MAP7D3: variants seen among roughly 807,000 people sequenced by gnomAD.
MAP7D3 encodes the protein MAP7 domain-containing protein 3.
In MAP7D3, 45 loss-of-function variants were observed where a neutral mutation model predicts 62.2. The observed-to-expected ratio is 0.72, with a 90% CI of 0.57 to 0.93. The LOEUF (loss-of-function observed/expected upper bound fraction) is 0.93. Ranked by LOEUF, MAP7D3 falls within the 40% of genes least tolerant of loss-of-function variation. The pLI is 0.00. For synonymous variants in MAP7D3, 288 were observed against 248.8 expected, an observed-to-expected ratio of 1.16 and a Z score of -1.48; for missense variants, 711 against 683.1, an observed-to-expected ratio of 1.04 and a Z score of -0.45.
chrX:136,229,096 C>CG (rs1326954031), intron 10 of MAP7D3: 2 of 121,429 alleles, frequency 1.6e-5, no homozygotes, highest in African/African-American at 6.4e-5. Flanking sequence ...AGCTTATGCT[C>CG]GGTCCAAACA....
In MAP7D3 at chrX:136,251,269, G is replaced by A. The variant is rs1345767404; in HGVS notation, c.70+20C>T. On this transcript the variant is annotated intron_variant, in intron 1 of 18. Coordinates refer to ENST00000316077, the MANE Select transcript of MAP7D3 (RefSeq NM_024597.4). ...CCCACGCGGGCCCGAACCACCCCCG[G>A]GAGCCACCCGCCCGCTCACCCATCC... 1.8e-6 allele frequency: 2 copies of A among 1,125,361 alleles called. No individual in the cohort carries two copies. Among genetic ancestry groups the A allele is most frequent in the South Asian group, 2.0e-5 (1 of 50,739 alleles). 92.7% of individuals were successfully genotyped at this position (1,125,361 alleles called of 1,213,427 possible). A position where few individuals can be genotyped will look rare whatever the true frequency, so the allele number is the denominator to read the frequency against.
At chrX:136,246,420 T>C (rs1163283407) in intron 1 of MAP7D3, 79 bp from the exon 2 acceptor site, 1 of 592,968 alleles carries the variant, frequency 1.7e-6, no homozygotes, top group Admixed American at 2.9e-5. Context: ...CACGGCCAAT[T>C]GTATTTGATG....
At chrX:136,238,056 C>T (rs2074350026) in intron 6 of MAP7D3, among the ~76,000 whole-genome samples, 1 of 111,615 alleles carries the variant, frequency 9.0e-6, no homozygotes, top group Non-Finnish European at 1.9e-5. Context: ...GACATGAACT[C>T]ATCATTTTTT....
intron 12 of MAP7D3, among the ~76,000 whole-genome samples, chrX:136,226,402 T>C (rs1209356031): frequency 9.0e-6 from 1 of 111,728 alleles, no homozygotes; most frequent in Non-Finnish European, 1.9e-5. Context: ...CAATCATATA[T>C]AAAACATATG....
Position 136,230,856 on chromosome X carries a change from C to T in MAP7D3, c.1524G>A (p.Pro508=), listed in dbSNP as rs372293652. 7.6e-5 allele frequency: 92 copies of T among 1,206,026 alleles called. No homozygotes were observed. The East Asian group carries it at 8.6e-4, about 11-fold the overall frequency. The stretch of plus-strand genomic sequence containing the variant: ...CTGCTTACTTAGTGCTGATGGGAGA[C>T]GGCAGACCACAAGCATTTTCAGGAG... ...SSSPENACGL[P]SPISTNRQIQ... Residue 508 remains proline, a synonymous_variant, in exon 9 of 19, where the codon CCG becomes CCA. Transcript: ENST00000316077.
chrX:136,223,291 A>G (rs1260148151), intron 14 of MAP7D3, among the ~76,000 whole-genome samples: 1 of 111,533 alleles, frequency 9.0e-6, no homozygotes, highest in Non-Finnish European at 1.9e-5. Flanking sequence ...AACAGACAAA[A>G]TATCAGTCTT....
chrX:136,226,276 A>C (rs752056287), intron 12 of MAP7D3, among the ~76,000 whole-genome samples: 6 of 111,392 alleles, frequency 5.4e-5, no homozygotes, highest in Non-Finnish European at 7.5e-5. Context: ...TCCTAATTCA[A>C]AGTATGTGAC....
rs200308987 is a variant in MAP7D3 at position 136,219,579 on chromosome X, T to C, written c.2565+14A>G. 1 of 1,189,032 alleles carries C rather than the reference T, an allele frequency of 8.4e-7. No individual in the cohort carries two copies. Among genetic ancestry groups the C allele is most frequent in the Admixed American group, 2.2e-5 (1 of 45,959 alleles). ...CTTGTCACAGATACGCTGCTGCTCA[T>C]AATTCATACTAACAGAGGATCTGCT... On this transcript the variant is annotated intron_variant, in intron 17 of 18. Coordinates refer to ENST00000316077, the MANE Select transcript of MAP7D3 (RefSeq NM_024597.4).
intron 14 of MAP7D3, 121 bp downstream of exon 14, chrX:136,224,706 C>A: frequency 2.3e-6 from 1 of 440,953 alleles, no homozygotes; most frequent in Non-Finnish European, 3.9e-6. Context: ...TGTTGATAAT[C>A]AGGGAAATGC....
At chrX:136,253,421 T>C (rs771332661), upstream of MAP7D3, among the ~76,000 whole-genome samples, 7 of 112,290 alleles carry the variant, frequency 6.2e-5, no homozygotes, top group Admixed American at 9.4e-5. Context: ...GACTGTGATA[T>C]AGTCCACAAA....
intron 1 of MAP7D3, among the ~76,000 whole-genome samples, chrX:136,248,611 A>G (rs2074473884): frequency 8.9e-6 from 1 of 112,626 alleles, no homozygotes; most frequent in Non-Finnish European, 1.9e-5. Context: ...GAGATTAAAT[A>G]AGAAAATGTG....
chrX:136,231,375 GA>G (rs1382798203), intron 8 of MAP7D3, among the ~76,000 whole-genome samples, 168 bp downstream of exon 8: 1 of 111,884 alleles, frequency 8.9e-6, no homozygotes, highest in African/African-American at 3.2e-5. Flanking sequence ...ATGAACATCA[GA>G]GAATTTTAAA....
At chrX:136,235,508 G>A (rs2074319260) in intron 7 of MAP7D3, among the ~76,000 whole-genome samples, 1 of 111,967 alleles carries the variant, frequency 8.9e-6, no homozygotes, top group South Asian at 3.7e-4. Flanking sequence ...CAGCACTTTG[G>A]GAGGCTGAGA....
rs776405705 is a variant in MAP7D3 at position 136,234,409 on chromosome X, G to A, written c.736+1835C>T. ...TCTTCCATATTTTAGGTGAAAAAAGGAAGGTAGAGTAGGAAACTTTCTCCC... is the reference window on the plus strand; with the variant it reads ...TCTTCCATATTTTAGGTGAAAAAAGAAAGGTAGAGTAGGAAACTTTCTCCC... On this transcript the variant is annotated intron_variant, in intron 7 of 18. Coordinates refer to ENST00000316077, the MANE Select transcript of MAP7D3 (RefSeq NM_024597.4). Among the ~76,000 whole-genome samples the A allele has an allele frequency of 5.4e-5, 6 of 111,761 alleles. No homozygotes were observed. In the East Asian group the frequency reaches 1.7e-3, roughly 31 times the overall value.
intron 5 of MAP7D3, 106 bp from the exon 6 acceptor site, chrX:136,240,592 T>TA: frequency 2.0e-6 from 1 of 508,693 alleles, no homozygotes; most frequent in Non-Finnish European, 3.4e-6. Flanking sequence ...AGCACAGACT[T>TA]ACATTACTCA....
downstream of MAP7D3, among the ~76,000 whole-genome samples, chrX:136,216,261 A>G (rs1025883430): frequency 7.7e-5 from 8 of 104,062 alleles, no homozygotes; most frequent in Non-Finnish European, 1.4e-4. Flanking sequence ...GTGGTGGCTC[A>G]TGCCTGTAAT....
At chrX:136,253,654 T>A (rs1416739638), upstream of MAP7D3, among the ~76,000 whole-genome samples, 1 of 111,941 alleles carries the variant, frequency 8.9e-6, no homozygotes, top group Non-Finnish European at 1.9e-5. Context: ...CAAGGTCAAA[T>A]TTCTTGGGTG....
Position 136,217,230 on chromosome X carries a change from C to T in MAP7D3, c.*1296G>A, listed in dbSNP as rs989439187. On this transcript the variant is annotated 3_prime_UTR_variant, in exon 19 of 19. Transcript: ENST00000316077. ...ACATCTGTGTGCATTTCTGTGTGCC[C>T]ATCACACGAACTCACTGGCAGCCAG... 8.9e-6 allele frequency: 1 copy of T among 112,166 alleles called. No homozygotes were observed. Among genetic ancestry groups the T allele is most frequent in the Non-Finnish European group, 1.9e-5 (1 of 53,214 alleles). The allele number at this position is 112,166 out of a possible 1,213,427, so 9.2% of individuals were successfully genotyped here.
At chrX:136,256,340 G>A (rs1192319708), upstream of MAP7D3, 3 of 1,152,461 alleles carry the variant, frequency 2.6e-6, no homozygotes, top group Admixed American at 2.6e-5. Context: ...GTTGATGGCA[G>A]CCTTCTCAGC....
Sources: gnomAD v4.1 joint callset for allele counts (sites outside exome capture counted in the v4.1 genomes callset) on GRCh38, gnomAD v4.1.1 for gene constraint, MANE v1.5 for transcripts, NCBI Gene and HGNC (gene_info 2026-07-23, HGNC 2026-07-21) for gene names.